NFIB: variants seen among roughly 807,000 people sequenced by gnomAD.
NFIB encodes nuclear factor I B, also known as nuclear factor 1 B-type.
NFIB carries 11 observed loss-of-function variants against 61.5 expected under a neutral mutation model. The observed-to-expected ratio is 0.18, with a 90% CI of 0.11 to 0.30. The LOEUF (loss-of-function observed/expected upper bound fraction) is 0.30. Among genes scored for constraint, NFIB ranks in the 10% least tolerant of loss-of-function variants. The pLI is 1.00. For synonymous variants in NFIB, 260 were observed against 216.5 expected (o/e 1.20, Z -1.76); for missense variants, 471 against 608.9 (o/e 0.77, Z 2.38).
At position 14,160,230 on chromosome 9, in the gene NFIB, G is replaced by T. The variant is rs78420749; in HGVS notation, c.617-4337C>A. ...TCTTTTTTATTTTTCTCTGACAAAA[G>T]CAACAGTAAATCACTACTCAGAAGT... On this transcript the variant is annotated intron_variant, in intron 3 of 10. Transcript: ENST00000380953. Among the ~76,000 whole-genome samples the T allele has an allele frequency of 6.4e-3, 972 of 152,182 alleles. 11 individuals carry two copies. Among genetic ancestry groups the T allele is most frequent in the African/African-American group, 0.022 (898 of 41,520 alleles).
chr9:14,210,662 T>A (rs770754114), intron 2 of NFIB, among the ~76,000 whole-genome samples: 5 of 152,060 alleles, frequency 3.3e-5, no homozygotes, highest in Admixed American at 6.6e-5. Flanking sequence ...CAATGATCTG[T>A]CACTTTATAT....
chr9:14,330,233 T>C (rs2060805092), intron 1 of NFIB, among the ~76,000 whole-genome samples: 1 of 152,188 alleles, frequency 6.6e-6, no homozygotes, highest in Non-Finnish European at 1.5e-5. Context: ...ATGCTCTAAT[T>C]GATAAAGGAA....
intron 3 of NFIB, among the ~76,000 whole-genome samples, chr9:14,166,851 A>G (rs1049833529): frequency 3.3e-5 from 5 of 152,164 alleles, no homozygotes; most frequent in African/African-American, 1.2e-4. Context: ...AACGCTATGA[A>G]AGCAATTTAG....
the NFIB span, among the ~76,000 whole-genome samples, chr9:14,419,349 G>C: frequency 6.6e-6 from 1 of 151,052 alleles, no homozygotes; most frequent in South Asian, 2.1e-4. Context: ...CAGACTTGAA[G>C]TGAGCCTTGC....
At chr9:14,172,419 T>C (rs1360872420) in intron 3 of NFIB, among the ~76,000 whole-genome samples, 1 of 151,948 alleles carries the variant, frequency 6.6e-6, no homozygotes, top group African/African-American at 2.4e-5. Context: ...CTTCATAAAG[T>C]AGAAACACCA....
chr9:14,478,420 T>C, the NFIB span, among the ~76,000 whole-genome samples: 1 of 152,198 alleles, frequency 6.6e-6, no homozygotes, highest in East Asian at 1.9e-4. Context: ...CTTTACTTCC[T>C]TCTGCAATAG....
intron 1 of NFIB, among the ~76,000 whole-genome samples, chr9:14,385,437 C>T (rs1036512392): frequency 1.3e-5 from 2 of 152,182 alleles, no homozygotes; most frequent in African/African-American, 4.8e-5. Flanking sequence ...TTGCAAAACA[C>T]ATATTATTTG....
chr9:14,258,834 G>A (rs1237070358), intron 2 of NFIB, among the ~76,000 whole-genome samples: 20 of 152,060 alleles, frequency 1.3e-4, no homozygotes, highest in Admixed American at 7.9e-4. Flanking sequence ...ACATGTATAC[G>A]TGCACACAAC....
At chr9:14,452,369 G>A in the NFIB span, among the ~76,000 whole-genome samples, 2 of 142,758 alleles carry the variant, frequency 1.4e-5, no homozygotes, top group Non-Finnish European at 3.0e-5. Flanking sequence ...AGGGAGGGTT[G>A]GAGATAAAGA....
chr9:14,379,811 T>C (rs1033464516), intron 1 of NFIB, among the ~76,000 whole-genome samples: 3 of 152,020 alleles, frequency 2.0e-5, no homozygotes, highest in Non-Finnish European at 4.4e-5. Context: ...GCCTCCCGAG[T>C]AGCTGGAATT....
At chr9:14,102,637 G>T (rs879188734) in intron 10 of NFIB, 5 of 430,798 alleles carry the variant, frequency 1.2e-5, no homozygotes, top group South Asian at 9.5e-5. Flanking sequence ...GCAACTTAAA[G>T]AAAAAAAAAA....
intron 3 of NFIB, among the ~76,000 whole-genome samples, chr9:14,172,370 G>A (rs2045659113): frequency 6.6e-6 from 1 of 151,988 alleles, no homozygotes; most frequent in African/African-American, 2.4e-5. Flanking sequence ...GAAAAGTAAA[G>A]GACAGACAGA....
chr9:14,295,633 A>AAAACAAAC (rs35605571), intron 2 of NFIB, among the ~76,000 whole-genome samples: 5,834 of 149,690 alleles, frequency 0.039, 206 homozygotes, highest in African/African-American at 0.079. Context: ...TCCTTCTCAA[A>AAAACAAAC]AAACAAACAA....
At chr9:14,351,071 A>C (rs1341749355) in intron 1 of NFIB, among the ~76,000 whole-genome samples, 1 of 152,134 alleles carries the variant, frequency 6.6e-6, no homozygotes, top group Non-Finnish European at 1.5e-5. Context: ...TCCAGGAACA[A>C]ATCTTTAGTT....
chr9:14,426,637 G>C, the NFIB span, among the ~76,000 whole-genome samples: 7 of 152,172 alleles, frequency 4.6e-5, no homozygotes, highest in Non-Finnish European at 1.0e-4. Flanking sequence ...AGCTCATCAA[G>C]CCTACCAAAC....
the NFIB span, among the ~76,000 whole-genome samples, chr9:14,521,904 T>C: frequency 6.6e-6 from 1 of 152,242 alleles, no homozygotes; most frequent in Non-Finnish European, 1.5e-5. Flanking sequence ...GTTTAGAGAA[T>C]ATTCATCAAT....
intron 1 of NFIB, among the ~76,000 whole-genome samples, chr9:14,380,503 A>G (rs1405360944): frequency 6.6e-6 from 1 of 152,234 alleles, no homozygotes; most frequent in Admixed American, 6.5e-5. Context: ...ATCCATATAG[A>G]AAACAAGGAA....
chr9:14,205,862 G>T (rs934610151), intron 2 of NFIB, among the ~76,000 whole-genome samples: 1 of 152,048 alleles, frequency 6.6e-6, no homozygotes, highest in Non-Finnish European at 1.5e-5. Flanking sequence ...CATTTTAGGA[G>T]AAGAAAATCT....
At chr9:14,389,367 C>T (rs965009143) in intron 1 of NFIB, among the ~76,000 whole-genome samples, 7 of 152,140 alleles carry the variant, frequency 4.6e-5, no homozygotes, top group African/African-American at 1.4e-4. Context: ...CATCCAAGCA[C>T]CACAAATTTA....
Sources: allele counts gnomAD v4.1 joint callset (sites outside exome capture counted in the v4.1 genomes callset), GRCh38; gene constraint gnomAD v4.1.1; transcripts MANE v1.5; gene names NCBI Gene and HGNC (gene_info 2026-07-23, HGNC 2026-07-21).